Variants in FAXDC2 observed in about 807,000 individuals in gnomAD.
The protein encoded by FAXDC2 is fatty acid hydroxylase domain containing 2, also known as fatty acid hydroxylase domain-containing protein 2.
FAXDC2 carries 41 observed loss-of-function variants against 40.9 expected under a neutral mutation model. That is an observed-to-expected ratio of 1.00 (90% confidence interval 0.78 to 1.30). The LOEUF is 1.30. Among genes scored for constraint, FAXDC2 ranks in the 50% most tolerant of loss-of-function variants. The pLI is 0.00. For missense variants in FAXDC2, 390 were observed against 408.8 expected, an observed-to-expected ratio of 0.95 and a Z score of 0.40; for synonymous variants, 157 against 149.3, an observed-to-expected ratio of 1.05 and a Z score of -0.38.
chr5:154,830,049 G>A (rs920289090), intron 5 of FAXDC2, among the ~76,000 whole-genome samples: 3 of 152,322 alleles, frequency 2.0e-5, no homozygotes, highest in African/African-American at 7.2e-5. Context: ...TGAGAGCTGA[G>A]GTGGTTCACC....
intron 2 of FAXDC2, chr5:154,836,282 A>C (rs1158650177): frequency 6.6e-6 from 1 of 152,182 alleles, no homozygotes; most frequent in Non-Finnish European, 1.5e-5. Context: ...AGCCATTCTG[A>C]GGGTCAAGGA....
intron 1 of FAXDC2, among the ~76,000 whole-genome samples, chr5:154,840,107 C>T (rs1378811464): frequency 6.6e-6 from 1 of 152,178 alleles, no homozygotes; most frequent in Admixed American, 6.5e-5. Context: ...ACCCAGGTTC[C>T]AGACTGGACT....
In FAXDC2 at chr5:154,823,478, A is replaced by G; in HGVS notation, c.481T>C (p.Cys161Arg). ...TGGAAGGTGGGTAGCTCACGGCGGCAGGGGTCTCTCCACCATTTGAGGAAG... is the reference window on the plus strand; with the variant it reads ...TGGAAGGTGGGTAGCTCACGGCGGCGGGGGTCTCTCCACCATTTGAGGAAG... ...YPFLKWWRDPCRRELPTFHWF... is the reference protein window; with the variant it reads ...YPFLKWWRDPRRRELPTFHWF... Residue 161 changes from cysteine (C) to arginine (R), a missense_variant, in exon 6 of 9, where the codon TGC becomes CGC. By Grantham distance (180) the Cys-to-Arg change is radical. Transcript: ENST00000326080. 2 of 1,614,226 alleles carry G rather than the reference A, an allele frequency of 1.2e-6. No individual in the cohort carries two copies.
chr5:154,834,845 T>C lies in FAXDC2; in HGVS notation c.138A>G (p.Thr46=). 1 of 1,610,948 alleles carries C rather than the reference T, an allele frequency of 6.2e-7. No homozygotes were observed. The highest frequency in any genetic ancestry group is 8.5e-7 in the Non-Finnish European group (1 of 1,178,210). The change falls in exon 3 of 9, where the codon ACA becomes ACG. Residue 46 remains threonine (T), a splice_region_variant and synonymous_variant. Coordinates refer to ENST00000326080, the MANE Select transcript of FAXDC2 (RefSeq NM_032385.5). ...CTAGCTGGGTGGAGCCGACTTACCA[T>C]GTCACTGAGTTCCAGAAGGCCACAA... is the stretch of plus-strand genomic sequence containing the variant. ...LSFVAFWNSV[T]WHLQRFWGAS...
chr5:154,820,228 C>T lies in FAXDC2; in HGVS notation c.*88G>A, dbSNP rs558837463. 1.7e-5 allele frequency: 20 copies of T among 1,169,884 alleles called. No individual in the cohort carries two copies. Among genetic ancestry groups the T allele is most frequent in the South Asian group, 6.1e-5 (4 of 65,600 alleles). The allele number at this position is 1,169,884 out of a possible 1,614,324, so 72.5% of individuals were successfully genotyped here. A position where few individuals can be genotyped will look rare whatever the true frequency, so the allele number is the denominator to read the frequency against. Reference sequence around the variant, plus strand: ...TGGTGCCATCATTAGGGCGTGTGGCCGAAGGAGGCAAATTGTTAGGTGCAA... The same window carrying T: ...TGGTGCCATCATTAGGGCGTGTGGCTGAAGGAGGCAAATTGTTAGGTGCAA... On this transcript the variant is annotated 3_prime_UTR_variant, in exon 9 of 9. Transcript: ENST00000326080.
intron 5 of FAXDC2, among the ~76,000 whole-genome samples, chr5:154,825,058 TAAAA>T (rs70981952): frequency 2.2e-5 from 2 of 90,140 alleles, no homozygotes; most frequent in African/African-American, 4.5e-5. Context: ...CCAATCTTGT[TAAAA>T]AAAAAAAAAA....
intron 5 of FAXDC2, among the ~76,000 whole-genome samples, chr5:154,826,626 A>T (rs1355286210): frequency 6.6e-6 from 1 of 151,904 alleles, no homozygotes; most frequent in Non-Finnish European, 1.5e-5. Context: ...AGGCTGAGGG[A>T]GTCAGCAGCT....
rs929981503 is a variant in FAXDC2, at chr5:154,847,940, T to C, written c.-1+2543A>G. Among the ~76,000 whole-genome samples the C allele has an allele frequency of 1.1e-4, 17 of 151,534 alleles. No homozygotes were observed. In the South Asian group the frequency reaches 1.3e-3, roughly 11 times the overall value. On this transcript the variant is annotated intron_variant, in intron 1 of 8. Transcript: ENST00000326080. The stretch of plus-strand genomic sequence containing the variant: ...CTGCAAGCTCCATCTCCCGGGTTCA[T>C]GCCATTCTCCTGCCTCAGCCTCCCG...
intron 4 of FAXDC2, chr5:154,831,377 C>A (rs1432961801): frequency 6.5e-6 from 1 of 154,860 alleles, no homozygotes; most frequent in African/African-American, 2.4e-5. Flanking sequence ...ATCCTACTAA[C>A]TGAGCAGCAG....
intron 4 of FAXDC2, among the ~76,000 whole-genome samples, chr5:154,833,615 A>G (rs903210141): frequency 2.0e-5 from 3 of 152,108 alleles, no homozygotes; most frequent in Admixed American, 2.0e-4. Flanking sequence ...TGGCCTCCCA[A>G]AGTGTTGGGA....
rs1582535687 is a variant in FAXDC2, at chr5:154,838,239, G to A, written c.1-61C>T. 3.2e-6 allele frequency: 5 copies of A among 1,545,672 alleles called. No individual in the cohort carries two copies. In the East Asian group the frequency reaches 6.8e-5, roughly 21 times the overall value. On this transcript the variant is annotated intron_variant, in intron 1 of 8. Coordinates refer to ENST00000326080, the MANE Select transcript of FAXDC2 (RefSeq NM_032385.5). ...TTTTCATAAACATCTAAGGAAGTAG[G>A]GAGTGGAGAAAGTCAAAGTGTATGG...
At chr5:154,828,422 G>A (rs1760098731) in intron 5 of FAXDC2, among the ~76,000 whole-genome samples, 1 of 152,014 alleles carries the variant, frequency 6.6e-6, no homozygotes, top group Non-Finnish European at 1.5e-5. Flanking sequence ...AGAGAGAATT[G>A]CAGCAGCCAT....
At position 154,845,974 on chromosome 5, in the gene FAXDC2, ATT is replaced by A. The variant is rs942959676; in HGVS notation, c.-1+4507_-1+4508del. ...CTAATTTTTGTATATATATATATATATTTTTTTTTAGTAGAGACGGGGTTTCA... is the reference window on the plus strand; with the variant it reads ...CTAATTTTTGTATATATATATATATATTTTTTTAGTAGAGACGGGGTTTCA... On this transcript the variant is annotated intron_variant, in intron 1 of 8. Transcript: ENST00000326080. Among the ~76,000 whole-genome samples the A allele has an allele frequency of 2.8e-3, 420 of 148,466 alleles. 1 individual carries two copies. The highest frequency in any genetic ancestry group is 9.7e-3 in the African/African-American group (392 of 40,492).
chr5:154,824,234 C>T (rs1018774711), intron 5 of FAXDC2: 2 of 522,222 alleles, frequency 3.8e-6, no homozygotes, highest in African/African-American at 1.9e-5. Flanking sequence ...GTCCATTTGG[C>T]CTCAATACTG....
intron 5 of FAXDC2, among the ~76,000 whole-genome samples, chr5:154,827,150 C>A (rs1760057810): frequency 6.6e-6 from 1 of 151,882 alleles, no homozygotes; most frequent in Non-Finnish European, 1.5e-5. Context: ...ACTGAAAATA[C>A]AAAAATTACC....
intron 5 of FAXDC2, among the ~76,000 whole-genome samples, chr5:154,827,124 G>A (rs963073763): frequency 1.3e-5 from 2 of 152,036 alleles, no homozygotes; most frequent in Non-Finnish European, 2.9e-5. Flanking sequence ...GGCCAACATG[G>A]TGAAACCCCA....
At chr5:154,842,545 C>CA (rs1191632771) in intron 1 of FAXDC2, among the ~76,000 whole-genome samples, 1 of 72,686 alleles carries the variant, frequency 1.4e-5, no homozygotes, top group Non-Finnish European at 2.5e-5. Context: ...TTTTTTGAGA[C>CA]AGAGTCTCAC....
chr5:154,823,472 G>C lies in FAXDC2; in HGVS notation c.487C>G (p.Arg163Gly). ...FLKWWRDPCR[R>G]ELPTFHWFLL... ...AACCAGTGGAAGGTGGGTAGCTCAC[G>C]GCGGCAGGGGTCTCTCCACCATTTG... Residue 163 changes from arginine to glycine, a missense_variant, in exon 6 of 9, where the codon CGT (arginine) becomes GGT (glycine). Coordinates refer to ENST00000326080, the MANE Select transcript of FAXDC2 (RefSeq NM_032385.5). 6.2e-7 allele frequency: 1 copy of C among 1,614,192 alleles called. No individual in the cohort carries two copies. The highest frequency in any genetic ancestry group is 8.5e-7 in the Non-Finnish European group (1 of 1,180,028).
intron 8 of FAXDC2, 185 bp downstream of exon 8, chr5:154,821,075 G>A (rs1759875864): frequency 1.7e-6 from 1 of 585,414 alleles, no homozygotes; most frequent in Non-Finnish European, 3.0e-6. Context: ...CCCAGTTGGA[G>A]GAGGACCCAA....
Sources: gnomAD v4.1 joint callset for allele counts (sites outside exome capture counted in the v4.1 genomes callset) on GRCh38, gnomAD v4.1.1 for gene constraint, MANE v1.5 for transcripts, NCBI Gene and HGNC (gene_info 2026-07-23, HGNC 2026-07-21) for gene names.